The following DPP6 variants were observed in gnomAD, a reference collection of about 807,000 sequenced individuals.
DPP6 encodes dipeptidyl peptidase like 6.
In DPP6, 69 loss-of-function variants were observed where a neutral mutation model predicts 122.6. That is an observed-to-expected ratio of 0.56 (90% CI 0.46 to 0.69). The LOEUF (loss-of-function observed/expected upper bound fraction) is 0.69, where lower values mean the gene tolerates loss of function less well. DPP6 is among the 30% of genes least tolerant of loss of function. The pLI, the probability that DPP6 is intolerant of heterozygous loss-of-function variation, is 0.00. For missense variants in DPP6, 928 were observed against 1,116.9 expected, an observed-to-expected ratio of 0.83 and a Z score of 2.41; for synonymous variants, 418 against 433.1, an observed-to-expected ratio of 0.97 and a Z score of 0.43.
chr7:154,652,836 C>G (rs1172891448), intron 6 of DPP6, among the ~76,000 whole-genome samples: 2 of 151,994 alleles, frequency 1.3e-5, no homozygotes. Context: ...TATGGGCAAA[C>G]TCCCTGAGTC....
chr7:154,149,155 G>C (rs1475778830), intron 1 of DPP6, among the ~76,000 whole-genome samples: 1 of 152,242 alleles, frequency 6.6e-6, no homozygotes, highest in African/African-American at 2.4e-5. Flanking sequence ...CGCATCAGCA[G>C]AACAATTGCA....
rs545401139 is a variant in DPP6 at position 154,762,548 on chromosome 7, C to T, written c.884-6869C>T. On this transcript the variant is annotated intron_variant, in intron 8 of 25. Transcript: ENST00000377770. The stretch of plus-strand genomic sequence containing the variant: ...CGGCCTTCCGCAGTAGTTGAATTCG[C>T]AGACTGAGCATGGCATTGGACCCGA... Among the ~76,000 whole-genome samples, 5 of 152,360 alleles carry T rather than the reference C, an allele frequency of 3.3e-5. No individual in the cohort carries two copies. The East Asian group carries it at 9.6e-4, about 29-fold the overall frequency.
the DPP6 span, among the ~76,000 whole-genome samples, chr7:153,796,572 T>G: frequency 6.6e-6 from 1 of 152,154 alleles, no homozygotes; most frequent in South Asian, 2.1e-4. Flanking sequence ...TTATTTACGG[T>G]GGGTCCCTGG....
intron 1 of DPP6, among the ~76,000 whole-genome samples, chr7:153,905,890 C>A (rs1799829695): frequency 6.6e-6 from 1 of 151,972 alleles, no homozygotes; most frequent in East Asian, 1.9e-4. Context: ...GGAGCAAACA[C>A]CAAAGAACTT....
At chr7:154,518,339 C>T (rs970348877) in intron 3 of DPP6, among the ~76,000 whole-genome samples, 2 of 152,120 alleles carry the variant, frequency 1.3e-5, no homozygotes, top group African/African-American at 2.4e-5. Flanking sequence ...ACACTTGTTC[C>T]AAATACATTA....
intron 1 of DPP6, among the ~76,000 whole-genome samples, chr7:154,390,620 A>T (rs1014557233): frequency 3.9e-5 from 6 of 152,320 alleles, no homozygotes; most frequent in Non-Finnish European, 7.3e-5. Flanking sequence ...AGGACTTCAC[A>T]TGAGCAAACG....
chr7:153,918,566 GTCTCTCTC>G (rs59605527), intron 1 of DPP6, among the ~76,000 whole-genome samples: 168 of 104,422 alleles, frequency 1.6e-3, no homozygotes, highest in Admixed American at 2.9e-3. Flanking sequence ...CACACACACA[GTCTCTCTC>G]TCTCTCTCTC....
chr7:154,643,668 C>A (rs1053200230), intron 6 of DPP6, among the ~76,000 whole-genome samples: 6 of 152,018 alleles, frequency 3.9e-5, no homozygotes, highest in African/African-American at 1.4e-4. Context: ...CGGGGTTTCA[C>A]CGTGTTAGCT....
intron 1 of DPP6, among the ~76,000 whole-genome samples, chr7:154,166,609 C>T (rs996914992): frequency 1.4e-5 from 2 of 146,606 alleles, no homozygotes; most frequent in South Asian, 2.1e-4. Flanking sequence ...ACAGTATGTA[C>T]GTTTAGAAAA....
At chr7:154,191,456 G>A (rs1474839007) in intron 1 of DPP6, among the ~76,000 whole-genome samples, 1 of 152,152 alleles carries the variant, frequency 6.6e-6, no homozygotes, top group African/African-American at 2.4e-5. Flanking sequence ...GATCATAAGT[G>A]CAATGTGCGC....
chr7:154,821,650 A>ACATAT lies in DPP6; in HGVS notation c.1666+14538_1666+14539insCATAT, dbSNP rs1799780739. Among the ~76,000 whole-genome samples, 2 of 11,278 alleles carry ACATAT rather than the reference A, an allele frequency of 1.8e-4. No individual in the cohort carries two copies. The highest frequency in any genetic ancestry group is 3.5e-4 in the Non-Finnish European group (2 of 5,692). The allele number at this position is 11,278 out of a possible 152,430, so 7.4% of individuals were successfully genotyped here. A position where few individuals can be genotyped will look rare whatever the true frequency, so the allele number is the denominator to read the frequency against. Reference sequence around the variant, plus strand: ...TCTGTATATATATATATATATACACATATATATATATATACACATATATAT... The same window carrying ACATAT: ...TCTGTATATATATATATATATACACACATATTATATATATATATACACATATATAT... On this transcript the variant is annotated intron_variant, in intron 16 of 25. Coordinates refer to ENST00000377770, the MANE Select transcript of DPP6 (RefSeq NM_130797.4). The surrounding 1 kb of genome is among the most constrained non-coding windows in gnomAD (Gnocchi z 4.2).
chr7:154,812,512 T>G (rs1799131504), intron 16 of DPP6, among the ~76,000 whole-genome samples: 2 of 152,172 alleles, frequency 1.3e-5, no homozygotes, highest in Admixed American at 1.3e-4. Context: ...GGCCCTCTTC[T>G]GGGTCACAGA....
At chr7:154,327,576 A>T (rs1808558227) in intron 1 of DPP6, among the ~76,000 whole-genome samples, 1 of 152,158 alleles carries the variant, frequency 6.6e-6, no homozygotes, top group Non-Finnish European at 1.5e-5. Flanking sequence ...AGAAGAAAAA[A>T]ATGAAGGTAA....
intron 16 of DPP6, among the ~76,000 whole-genome samples, chr7:154,840,167 A>G (rs1211075517): frequency 2.0e-5 from 3 of 152,216 alleles, no homozygotes; most frequent in Non-Finnish European, 4.4e-5. Flanking sequence ...TTTATGGGTC[A>G]GCCCACCTGG....
chr7:154,659,033 A>G (rs1402399664), intron 6 of DPP6, among the ~76,000 whole-genome samples: 1 of 152,240 alleles, frequency 6.6e-6, no homozygotes, highest in African/African-American at 2.4e-5. Flanking sequence ...GGCTCATCCA[A>G]AAGGGAATTC....
chr7:154,491,863 A>G (rs190878538), intron 3 of DPP6, among the ~76,000 whole-genome samples: 34 of 152,228 alleles, frequency 2.2e-4, no homozygotes, highest in African/African-American at 7.9e-4. Context: ...TCATCCACTA[A>G]TGTGTCTTTT....
chr7:154,302,140 A>G (rs1228465200), intron 1 of DPP6, among the ~76,000 whole-genome samples: 1 of 152,118 alleles, frequency 6.6e-6, no homozygotes, highest in Admixed American at 6.5e-5. Context: ...TATTCATCTC[A>G]CATAATTGAG....
intron 5 of DPP6, among the ~76,000 whole-genome samples, chr7:154,583,066 GT>G (rs1195658465): frequency 1.3e-5 from 2 of 152,162 alleles, no homozygotes. Context: ...GAGCCCACTG[GT>G]AACTGTACTT....
intron 1 of DPP6, among the ~76,000 whole-genome samples, chr7:154,338,707 G>T (rs371547361): frequency 2.0e-4 from 31 of 152,282 alleles, no homozygotes; most frequent in African/African-American, 7.2e-4. Context: ...ACAAATGTCT[G>T]GGCCTTTTCT....
Sources: allele counts gnomAD v4.1 joint callset (sites outside exome capture counted in the v4.1 genomes callset), GRCh38; gene constraint gnomAD v4.1.1; non-coding constraint Gnocchi (gnomAD v3.1); transcripts MANE v1.5; gene names NCBI Gene and HGNC (gene_info 2026-07-23, HGNC 2026-07-21).